RSPO3: variants seen among roughly 807,000 people sequenced by gnomAD.
RSPO3 encodes R-spondin-3.
In RSPO3, 17 loss-of-function variants were observed where a neutral mutation model predicts 36.5. The ratio of observed to expected loss-of-function variants is 0.47; its 90% CI spans 0.32 to 0.70. The LOEUF is 0.70. Ranked by LOEUF, RSPO3 falls within the 30% of genes least tolerant of loss-of-function variation. The pLI, the probability that RSPO3 is intolerant of heterozygous loss-of-function variation, is 0.04. For synonymous variants in RSPO3, 108 were observed against 107.0 expected (o/e 1.01, Z -0.06); for missense variants, 294 against 322.5 (o/e 0.91, Z 0.68).
intron 1 of RSPO3, among the ~76,000 whole-genome samples, chr6:127,132,431 A>G (rs1432720671): frequency 6.6e-6 from 1 of 152,096 alleles, no homozygotes; most frequent in East Asian, 1.9e-4. Flanking sequence ...TTTAATGTGC[A>G]CAGGATATAA....
chr6:127,155,907 T>A (rs1302223667), intron 4 of RSPO3, among the ~76,000 whole-genome samples: 1 of 150,526 alleles, frequency 6.6e-6, no homozygotes, highest in Non-Finnish European at 1.5e-5. Context: ...CACACACACA[T>A]ATATATAAAA....
intron 1 of RSPO3, 24 bp from the exon 2 acceptor site, chr6:127,148,621 AATG>A (rs751166056): frequency 2.5e-6 from 4 of 1,569,378 alleles, no homozygotes; most frequent in Non-Finnish European, 3.5e-6. Context: ...TAACCTTTGT[AATG>A]TCTTTCTACA....
intron 1 of RSPO3, among the ~76,000 whole-genome samples, chr6:127,125,221 GT>G (rs1329478023): frequency 6.6e-6 from 1 of 151,996 alleles, no homozygotes; most frequent in East Asian, 1.9e-4. Flanking sequence ...CTGTCCTTAT[GT>G]TTTATGCAAA....
intron 4 of RSPO3, among the ~76,000 whole-genome samples, chr6:127,156,837 G>T (rs1165727783): frequency 6.6e-6 from 1 of 152,140 alleles, no homozygotes; most frequent in Non-Finnish European, 1.5e-5. Context: ...AGAGGACACT[G>T]CAAACTTGAA....
intron 4 of RSPO3, among the ~76,000 whole-genome samples, chr6:127,174,209 A>T (rs1775000237): frequency 6.6e-6 from 1 of 151,920 alleles, no homozygotes; most frequent in Non-Finnish European, 1.5e-5. Context: ...ATGGCAAATT[A>T]GTCAGGAACA....
At position 127,197,355 on chromosome 6, in the gene RSPO3, T is replaced by C; in HGVS notation, c.*1348T>C. On this transcript the variant is annotated 3_prime_UTR_variant, in exon 5 of 5. Transcript: ENST00000356698. ...TTAGAAATGGGCATCATTTCTTGTATGTCAGATCCCCCTGCATCTTCAACA... is the reference window on the plus strand; with the variant it reads ...TTAGAAATGGGCATCATTTCTTGTACGTCAGATCCCCCTGCATCTTCAACA... 6.5e-7 allele frequency: 1 copy of C among 1,534,126 alleles called. No homozygotes were observed. The highest frequency in any genetic ancestry group is 8.8e-7 in the Non-Finnish European group (1 of 1,137,968).
At chr6:127,186,528 G>C (rs1307381288) in intron 4 of RSPO3, among the ~76,000 whole-genome samples, 4 of 152,018 alleles carry the variant, frequency 2.6e-5, no homozygotes, top group Admixed American at 6.6e-5. Flanking sequence ...TGTGTTACTG[G>C]AATATGTGTT....
intron 2 of RSPO3, among the ~76,000 whole-genome samples, chr6:127,149,913 G>C (rs772375951): frequency 3.9e-5 from 6 of 151,944 alleles, no homozygotes; most frequent in Non-Finnish European, 8.8e-5. Context: ...TATTGTTATT[G>C]TTTACTGTAT....
At chr6:127,148,384 A>G (rs936175292) in intron 1 of RSPO3, among the ~76,000 whole-genome samples, 5 of 151,586 alleles carry the variant, frequency 3.3e-5, no homozygotes, top group Admixed American at 2.6e-4. Flanking sequence ...GACTATGTAT[A>G]CACACACATA....
chr6:127,137,338 C>T (rs111922711), intron 1 of RSPO3, among the ~76,000 whole-genome samples: 187 of 152,188 alleles, frequency 1.2e-3, no homozygotes, highest in African/African-American at 4.2e-3. Flanking sequence ...TTGCAGTGAG[C>T]GGAGTTGGTG....
intron 4 of RSPO3, among the ~76,000 whole-genome samples, chr6:127,155,969 C>T (rs1774590534): frequency 6.6e-6 from 1 of 151,876 alleles, no homozygotes; most frequent in African/African-American, 2.4e-5. Flanking sequence ...GTGGTGCCAT[C>T]GCAGTTCACT....
rs1427467246 is a variant in RSPO3, at chr6:127,119,287, GAAGT to G, written c.97+3_97+6del. 3 of 1,611,042 alleles carry G rather than the reference GAAGT, an allele frequency of 1.9e-6. No homozygotes were observed. Among genetic ancestry groups the G allele is most frequent in the African/African-American group, 1.3e-5 (1 of 74,884 alleles). On this transcript the variant is annotated splice_donor_variant and coding_sequence_variant, in exon 1 of 5. Transcript: ENST00000356698. LOFTEE classifies it high-confidence loss of function. ...GCCTCCCGGGGAAGGCGCCAGCGAA[GAAGT>G]AAGTGCAGGGTTTTTTACGCGTTTG...
intron 3 of RSPO3, among the ~76,000 whole-genome samples, chr6:127,151,685 TTAAAGA>T (rs1774493595): frequency 6.6e-6 from 1 of 152,068 alleles, no homozygotes; most frequent in African/African-American, 2.4e-5. Flanking sequence ...AATAGATATT[TTAAAGA>T]TAATTTTAGA....
At chr6:127,170,371 T>C (rs1356530915) in intron 4 of RSPO3, among the ~76,000 whole-genome samples, 2 of 151,574 alleles carry the variant, frequency 1.3e-5, no homozygotes, top group Non-Finnish European at 2.9e-5. Flanking sequence ...TATCATGCAC[T>C]ATTGATGGGA....
chr6:127,192,200 G>A (rs1424369791), intron 4 of RSPO3, among the ~76,000 whole-genome samples: 2 of 152,192 alleles, frequency 1.3e-5, no homozygotes, highest in African/African-American at 4.8e-5. Flanking sequence ...GCATTAACAT[G>A]TGACTATAAT....
intron 4 of RSPO3, among the ~76,000 whole-genome samples, chr6:127,174,527 G>A (rs1000733020): frequency 6.6e-6 from 1 of 151,796 alleles, no homozygotes; most frequent in Non-Finnish European, 1.5e-5. Flanking sequence ...TTAAGAAACT[G>A]CTTCTGTGCT....
intron 4 of RSPO3, chr6:127,192,698 C>T: frequency 2.0e-6 from 2 of 985,134 alleles, no homozygotes; most frequent in African/African-American, 3.5e-5. Context: ...GTTCCAAAAC[C>T]CAGTTCAGGC....
At chr6:127,135,486 A>T (rs1005057151) in intron 1 of RSPO3, among the ~76,000 whole-genome samples, 8 of 151,286 alleles carry the variant, frequency 5.3e-5, no homozygotes, top group African/African-American at 1.7e-4. Context: ...TGGTAATGGT[A>T]GCAGTAGTAG....
chr6:127,121,891 T>C (rs1773853453), intron 1 of RSPO3, among the ~76,000 whole-genome samples: 2 of 152,230 alleles, frequency 1.3e-5, no homozygotes, highest in Non-Finnish European at 2.9e-5. Flanking sequence ...ATTAAGTGAA[T>C]ATTTAAGGAG....
Sources: allele counts gnomAD v4.1 joint callset (sites outside exome capture counted in the v4.1 genomes callset), GRCh38; gene constraint gnomAD v4.1.1; transcripts MANE v1.5; gene names NCBI Gene and HGNC (gene_info 2026-07-23, HGNC 2026-07-21).